Variants in C2CD2 observed in about 807,000 individuals in gnomAD.
C2CD2 encodes C2 calcium dependent domain containing 2, also known as C2 domain-containing protein 2.
C2CD2 carries 43 observed loss-of-function variants against 74.3 expected under a neutral mutation model. The observed-to-expected ratio is 0.58, with a 90% CI of 0.45 to 0.75. The LOEUF (loss-of-function observed/expected upper bound fraction) is 0.75. Among genes scored for constraint, C2CD2 ranks in the 30% least tolerant of loss-of-function variants. The pLI, the probability that C2CD2 is intolerant of heterozygous loss-of-function variation, is 0.00. For missense variants in C2CD2, 801 were observed against 916.3 expected, an observed-to-expected ratio of 0.87 and a Z score of 1.63; for synonymous variants, 422 against 390.7, an observed-to-expected ratio of 1.08 and a Z score of -0.94.
Position 41,953,979 on chromosome 21 carries a change from G to A in C2CD2, c.-331C>T, listed in dbSNP as rs2065472798. 6.8e-6 allele frequency: 1 copy of A among 147,836 alleles called. No homozygotes were observed. The highest frequency in any genetic ancestry group is 2.1e-4 in the South Asian group (1 of 4,838). The allele number at this position is 147,836 out of a possible 1,614,324, so 9.2% of individuals were successfully genotyped here. A position where few individuals can be genotyped will look rare whatever the true frequency, so the allele number is the denominator to read the frequency against. On this transcript the variant is annotated 5_prime_UTR_variant, in exon 1 of 14. Coordinates refer to ENST00000380486, the MANE Select transcript of C2CD2 (RefSeq NM_015500.2). ...CTTCCTCCTGCGCGCGCCGCCCCGGGCGTCCCGCCCGCGGCCCAGCGGTGG... is the reference window on the plus strand; with the variant it reads ...CTTCCTCCTGCGCGCGCCGCCCCGGACGTCCCGCCCGCGGCCCAGCGGTGG...
intron 13 of C2CD2, among the ~76,000 whole-genome samples, chr21:41,891,369 G>A (rs764001413): frequency 6.6e-6 from 1 of 152,248 alleles, no homozygotes; most frequent in East Asian, 1.9e-4. Flanking sequence ...TCAGCAGGGT[G>A]TGTTCTGACA....
At chr21:41,942,360 T>C (rs2065361879) in intron 1 of C2CD2, 115 bp from the exon 2 acceptor site, 1 of 776,020 alleles carries the variant, frequency 1.3e-6, no homozygotes, top group South Asian at 1.8e-5. Flanking sequence ...CATCTTTCTG[T>C]GAACTCTGTG....
rs1026739051 is a variant in C2CD2 at position 41,939,979 on chromosome 21, G to A, written c.378+2168C>T. ...TGTGCGGACTGAGCATCCCGAATCC[G>A]AACATCCCAAATCTGAAACGCTCCA... On this transcript the variant is annotated intron_variant, in intron 2 of 13. Transcript: ENST00000380486. This position sits in a 1 kb window ranked among gnomAD's most constrained non-coding sequence, Gnocchi z 5.5. Among the ~76,000 whole-genome samples the A allele has an allele frequency of 2.3e-4, 35 of 152,284 alleles. No homozygotes were observed. The highest frequency in any genetic ancestry group is 6.7e-4 in the African/African-American group (28 of 41,564).
At position 41,944,860 on chromosome 21, in the gene C2CD2, A is replaced by G. The variant is rs1418945724; in HGVS notation, c.280-2615T>C. ...AAGGAAGACAAGGGTGACTAGCTCC[A>G]CCAGATATTAAAACAGACTATAGAA... On this transcript the variant is annotated intron_variant, in intron 1 of 13. Transcript: ENST00000380486. Among the ~76,000 whole-genome samples the G allele has an allele frequency of 2.0e-5, 3 of 152,242 alleles. No homozygotes were observed. In the East Asian group the frequency reaches 5.8e-4, roughly 29 times the overall value.
At chr21:41,928,880 C>T (rs1019509823) in intron 2 of C2CD2, among the ~76,000 whole-genome samples, 3 of 152,108 alleles carry the variant, frequency 2.0e-5, no homozygotes, top group Admixed American at 6.5e-5. Flanking sequence ...AGATGCAAAG[C>T]GTGATAGTGC....
rs1274710078 is a variant in C2CD2, at chr21:41,922,362, C to T, written c.379-277G>A. Among the ~76,000 whole-genome samples, 6 of 152,048 alleles carry T rather than the reference C, an allele frequency of 3.9e-5. No homozygotes were observed. The East Asian group carries it at 9.6e-4, about 24-fold the overall frequency. On this transcript the variant is annotated intron_variant, in intron 2 of 13. Transcript: ENST00000380486. ...GTCTTTTTTGTAAAGATGGGCTCTA[C>T]CTGTATTACTGAGGCTGGTTTTGAA...
chr21:41,911,084 A>G (rs1272281508), intron 7 of C2CD2, among the ~76,000 whole-genome samples: 1 of 152,234 alleles, frequency 6.6e-6, no homozygotes, highest in African/African-American at 2.4e-5. Flanking sequence ...AAATCTTATT[A>G]AAGAAGTATC....
intron 5 of C2CD2, among the ~76,000 whole-genome samples, chr21:41,916,542 G>A (rs995825758): frequency 6.6e-6 from 1 of 152,016 alleles, no homozygotes; most frequent in Non-Finnish European, 1.5e-5. Flanking sequence ...GTACGTCACG[G>A]GCTCTTTTAG....
chr21:41,890,653 G>A (rs2064740945), intron 13 of C2CD2, among the ~76,000 whole-genome samples: 1 of 152,202 alleles, frequency 6.6e-6, no homozygotes, highest in Admixed American at 6.5e-5. Context: ...TATTCCCTTT[G>A]TGATAGGCAT....
chr21:41,917,196 A>G (rs2065102364), intron 5 of C2CD2, among the ~76,000 whole-genome samples: 1 of 152,174 alleles, frequency 6.6e-6, no homozygotes, highest in Non-Finnish European at 1.5e-5. Context: ...AGCAGCAAAC[A>G]CTGCCATCAA....
chr21:41,921,948 C>T, intron 3 of C2CD2, 24 bp downstream of exon 3: 3 of 1,475,148 alleles, frequency 2.0e-6, no homozygotes, highest in Non-Finnish European at 1.9e-6. Context: ...GGTCTCATAA[C>T]TTGCAAAGTC....
chr21:41,893,466 A>ATT (rs2064781441), intron 13 of C2CD2, among the ~76,000 whole-genome samples: 1 of 152,220 alleles, frequency 6.6e-6, no homozygotes, highest in African/African-American at 2.4e-5. Context: ...ATGTAAAAAG[A>ATT]TGGTAGACAA....
intron 7 of C2CD2, among the ~76,000 whole-genome samples, chr21:41,910,123 C>T (rs371755): frequency 0.98 from 149,235 of 152,262 alleles, 73,315 homozygotes; most frequent in Non-Finnish European, 1. Context: ...TGTGAGCCGC[C>T]GCGCCCAGCC....
Position 41,885,839 on chromosome 21 carries a change from G to T in C2CD2, c.*3285C>A. 1 of 152,430 alleles carries T rather than the reference G, an allele frequency of 6.6e-6. No individual in the cohort carries two copies. 9.4% of individuals were successfully genotyped at this position (152,430 alleles called of 1,614,324 possible). On this transcript the variant is annotated 3_prime_UTR_variant, in exon 14 of 14. Transcript: ENST00000380486. ...GCAAAAATCTAAACGGGCACCAGGT[G>T]GCCACTGAGTGGCGACTGGTCGAGT...
Position 41,924,225 on chromosome 21 carries a change from C to A in C2CD2, c.379-2140G>T, listed in dbSNP as rs1392707663. The stretch of plus-strand genomic sequence containing the variant: ...TCCCCTGTACTTTCTCATCTGCTGG[C>A]TCCTGGCCGCAGCCAAGCCCTGGGT... On this transcript the variant is annotated intron_variant, in intron 2 of 13. Coordinates refer to ENST00000380486, the MANE Select transcript of C2CD2 (RefSeq NM_015500.2). This position sits in a 1 kb window ranked among gnomAD's most constrained non-coding sequence, Gnocchi z 4.4. Among the ~76,000 whole-genome samples, 1 of 152,250 alleles carries A rather than the reference C, an allele frequency of 6.6e-6. No homozygotes were observed. Among genetic ancestry groups the A allele is most frequent in the African/African-American group, 2.4e-5 (1 of 41,466 alleles).
At chr21:41,901,596 C>T in intron 12 of C2CD2, 26 bp downstream of exon 12, 2 of 1,613,728 alleles carry the variant, frequency 1.2e-6, no homozygotes, top group African/African-American at 1.3e-5. Flanking sequence ...ACCAGATGAA[C>T]ACCTCCCCAG....
Position 41,889,265 on chromosome 21 carries a change from G to C in C2CD2, c.1950C>G (p.His650Gln). 1 of 1,614,042 alleles carries C rather than the reference G, an allele frequency of 6.2e-7. No homozygotes were observed. Among genetic ancestry groups the C allele is most frequent in the Non-Finnish European group, 8.5e-7 (1 of 1,179,970 alleles). Reference sequence around the variant, plus strand: ...GCTGCTCCAGGAACACAAGGTCATTGTGTGACTGACTCATGCCTGGGTCTT... The same window carrying C: ...GCTGCTCCAGGAACACAAGGTCATTCTGTGACTGACTCATGCCTGGGTCTT... ...QQKDPGMSQSHNDLVFLEQPE... is the reference protein window; with the variant it reads ...QQKDPGMSQSQNDLVFLEQPE... The change falls in exon 14 of 14, where the codon CAC becomes CAG. Residue 650 changes from histidine to glutamine, a missense_variant. Physicochemically the swap from His to Gln is conservative, Grantham distance 24. Coordinates refer to ENST00000380486, the MANE Select transcript of C2CD2 (RefSeq NM_015500.2).
intron 8 of C2CD2, chr21:41,908,589 C>T (rs1276353076): frequency 1.3e-5 from 2 of 152,026 alleles, no homozygotes; most frequent in South Asian, 2.1e-4. Flanking sequence ...CCAGTTTTCT[C>T]GGGACTCCAA....
chr21:41,907,853 C>T, intron 8 of C2CD2, 69 bp from the exon 9 acceptor site: 1 of 1,558,646 alleles, frequency 6.4e-7, no homozygotes. Context: ...ACGGAAAGGC[C>T]CACACGCCCA....
Sources: gnomAD v4.1 joint callset for allele counts (sites outside exome capture counted in the v4.1 genomes callset) on GRCh38, gnomAD v4.1.1 for gene constraint, Gnocchi (gnomAD v3.1) non-coding constraint, MANE v1.5 for transcripts, NCBI Gene and HGNC (gene_info 2026-07-23, HGNC 2026-07-21) for gene names.